SIPA1L1: variants seen among roughly 807,000 people sequenced by gnomAD.
The protein encoded by SIPA1L1 is signal-induced proliferation-associated 1-like protein 1.
In SIPA1L1, 26 loss-of-function variants were observed where a neutral mutation model predicts 162.7. The ratio of observed to expected loss-of-function variants is 0.16; its 90% CI spans 0.12 to 0.22. The LOEUF (loss-of-function observed/expected upper bound fraction) is 0.22. SIPA1L1 is among the 10% of genes least tolerant of loss of function. SIPA1L1 has a pLI of 1.00. For synonymous variants in SIPA1L1, 829 were observed against 837.4 expected (o/e 0.99, Z 0.17); for missense variants, 1,874 against 2,241.0 (o/e 0.84, Z 3.31).
At chr14:71,394,835 T>G (rs1000853183) in intron 2 of SIPA1L1, among the ~76,000 whole-genome samples, 1 of 152,360 alleles carries the variant, frequency 6.6e-6, no homozygotes, top group Middle Eastern at 3.4e-3. Context: ...AGGAGAAGGA[T>G]AGTTAAAATA....
chr14:71,641,680 G>C (rs1029249174), intron 7 of SIPA1L1, among the ~76,000 whole-genome samples: 6 of 152,190 alleles, frequency 3.9e-5, no homozygotes, highest in Admixed American at 3.9e-4. Flanking sequence ...CCGAGATGGA[G>C]CCACTGCACT....
intron 4 of SIPA1L1, among the ~76,000 whole-genome samples, chr14:71,566,575 A>T (rs766874542): frequency 3.3e-5 from 5 of 152,240 alleles, no homozygotes; most frequent in Non-Finnish European, 7.3e-5. Flanking sequence ...AGACCTCCAC[A>T]TGCACGGGAA....
intron 5 of SIPA1L1, among the ~76,000 whole-genome samples, chr14:71,612,320 C>T (rs1257268062): frequency 1.3e-5 from 2 of 152,100 alleles, no homozygotes; most frequent in Non-Finnish European, 2.9e-5. Flanking sequence ...TATATTACGT[C>T]TCTACCAAGG....
intron 17 of SIPA1L1, among the ~76,000 whole-genome samples, chr14:71,720,074 T>G (rs967893945): frequency 4.6e-5 from 7 of 152,216 alleles, no homozygotes; most frequent in Non-Finnish European, 8.8e-5. Flanking sequence ...CAGATATCCT[T>G]TCTTTATCCT....
intron 2 of SIPA1L1, among the ~76,000 whole-genome samples, chr14:71,421,802 T>C (rs911496971): frequency 3.3e-5 from 5 of 152,116 alleles, no homozygotes; most frequent in African/African-American, 1.2e-4. Context: ...TCCTGGGGAA[T>C]GTAGAAGATG....
intron 5 of SIPA1L1, among the ~76,000 whole-genome samples, chr14:71,605,251 C>A: frequency 6.6e-6 from 1 of 151,832 alleles, no homozygotes; most frequent in East Asian, 1.9e-4. Context: ...TTTATAATTT[C>A]TATCTCTTTG....
intron 2 of SIPA1L1, among the ~76,000 whole-genome samples, chr14:71,494,377 G>A (rs1025506668): frequency 2.6e-5 from 4 of 151,872 alleles, no homozygotes; most frequent in East Asian, 3.9e-4. Flanking sequence ...TGATATAATC[G>A]TGTGGCTTTT....
chr14:71,665,316 C>T (rs906232005), intron 10 of SIPA1L1, among the ~76,000 whole-genome samples: 1 of 152,120 alleles, frequency 6.6e-6, no homozygotes. Flanking sequence ...TTATACCTCC[C>T]TGGGGACTAG....
At chr14:71,644,433 C>T (rs190518672) in intron 7 of SIPA1L1, among the ~76,000 whole-genome samples, 5 of 152,098 alleles carry the variant, frequency 3.3e-5, no homozygotes, top group Admixed American at 2.6e-4. Flanking sequence ...GACAGGGTCT[C>T]ACTGTGTTGC....
intron 13 of SIPA1L1, among the ~76,000 whole-genome samples, chr14:71,689,981 T>C (rs1416042942): frequency 6.6e-6 from 1 of 152,242 alleles, no homozygotes; most frequent in African/African-American, 2.4e-5. Flanking sequence ...TTTTTAAGTT[T>C]GTTATATCAT....
intron 10 of SIPA1L1, among the ~76,000 whole-genome samples, chr14:71,668,688 C>G (rs961095878): frequency 6.6e-6 from 1 of 152,150 alleles, no homozygotes; most frequent in Non-Finnish European, 1.5e-5. Context: ...TAGCCTCTAG[C>G]TCTGTCTGTC....
chr14:71,669,867 T>C (rs771929386), intron 10 of SIPA1L1, among the ~76,000 whole-genome samples: 11 of 152,174 alleles, frequency 7.2e-5, no homozygotes, highest in Non-Finnish European at 1.3e-4. Flanking sequence ...CCTCCTGAGG[T>C]TGCTGATTTT....
At chr14:71,633,807 G>T (rs773203246) in intron 7 of SIPA1L1, among the ~76,000 whole-genome samples, 28 of 152,224 alleles carry the variant, frequency 1.8e-4, no homozygotes, top group Admixed American at 2.6e-4. Context: ...TAGACTGGGG[G>T]AAACAAATGA....
intron 2 of SIPA1L1, among the ~76,000 whole-genome samples, chr14:71,480,717 G>C (rs563341233): frequency 6.6e-5 from 10 of 152,192 alleles, no homozygotes; most frequent in African/African-American, 2.2e-4. Flanking sequence ...AGCCAAGATT[G>C]CACCACTGTT....
intron 8 of SIPA1L1, among the ~76,000 whole-genome samples, chr14:71,654,097 A>G (rs1382757567): frequency 6.6e-6 from 1 of 152,152 alleles, no homozygotes; most frequent in African/African-American, 2.4e-5. Flanking sequence ...TATTTTTGTA[A>G]AGGAGGACGA....
At chr14:71,647,780 A>G (rs1042829399) in intron 7 of SIPA1L1, among the ~76,000 whole-genome samples, 12 of 152,204 alleles carry the variant, frequency 7.9e-5, no homozygotes, top group Non-Finnish European at 1.6e-4. Context: ...TAAAGCCAAG[A>G]TGAAACCTTT....
At chr14:71,609,442 A>T (rs1190721445) in intron 5 of SIPA1L1, among the ~76,000 whole-genome samples, 14 of 69,434 alleles carry the variant, frequency 2.0e-4, no homozygotes, top group African/African-American at 6.9e-4. Context: ...CTAATATTTT[A>T]TTTATTTATT....
intron 2 of SIPA1L1, chr14:71,467,206 G>T (rs892158150): frequency 6.6e-6 from 1 of 152,194 alleles, no homozygotes; most frequent in Non-Finnish European, 1.5e-5. Flanking sequence ...CAAATGCACC[G>T]TTGGATTCTT....
chr14:71,695,785 A>C (rs753783157), intron 13 of SIPA1L1, among the ~76,000 whole-genome samples: 11 of 152,088 alleles, frequency 7.2e-5, no homozygotes, highest in Non-Finnish European at 1.5e-4. Flanking sequence ...ATGAAGTGAA[A>C]CTCTATTTGA....
Sources: gnomAD v4.1 joint callset for allele counts (sites outside exome capture counted in the v4.1 genomes callset) on GRCh38, gnomAD v4.1.1 for gene constraint, MANE v1.5 for transcripts, NCBI Gene and HGNC (gene_info 2026-07-23, HGNC 2026-07-21) for gene names.